The following GRAMD1A variants were observed in gnomAD, a reference collection of about 807,000 sequenced individuals.
The protein encoded by GRAMD1A is GRAM domain containing 1A.
In GRAMD1A, 50 loss-of-function variants were observed where a neutral mutation model predicts 92.0. That is an observed-to-expected ratio of 0.54 (90% CI 0.43 to 0.69). GRAMD1A has a LOEUF of 0.69. GRAMD1A is among the 30% of genes least tolerant of loss of function. GRAMD1A has a pLI of 0.00. For synonymous variants in GRAMD1A, 405 were observed against 403.6 expected, an observed-to-expected ratio of 1.00 and a Z score of -0.04; for missense variants, 819 against 978.9, an observed-to-expected ratio of 0.84 and a Z score of 2.18.
intron 13 of GRAMD1A, among the ~76,000 whole-genome samples, chr19:35,019,916 T>A (rs1211179737): frequency 2.6e-5 from 4 of 152,092 alleles, no homozygotes; most frequent in Non-Finnish European, 4.4e-5. Flanking sequence ...AAGCAGGGTG[T>A]GGAGGCTTTT....
At chr19:35,012,336 C>CAAA (rs1357704277) in intron 7 of GRAMD1A, among the ~76,000 whole-genome samples, 1 of 151,894 alleles carries the variant, frequency 6.6e-6, no homozygotes, top group Non-Finnish European at 1.5e-5. Context: ...ATGAGGTTAG[C>CAAA]ACCTACTTTC....
chr19:35,021,693 C>T lies in GRAMD1A; in HGVS notation c.1582C>T (p.Arg528Ter), dbSNP rs771145652. 15 of 1,613,898 alleles carry T rather than the reference C, an allele frequency of 9.3e-6. No homozygotes were observed. Among genetic ancestry groups the T allele is most frequent in the South Asian group, 7.7e-5 (7 of 91,086 alleles). ...GIEDYFHHLE[R>*]ELAKAEKLSL... ...AGAGCCCCCTCTCTTTTACGCAGAG[C>T]GAGAGCTCGCCAAGGCTGAGAAGCT... The change falls in exon 15 of 20, where the codon CGA (arginine) becomes TGA (stop). Residue 528 changes from arginine (R) to a stop codon, truncating the protein, a stop_gained and splice_region_variant. Transcript: ENST00000317991. LOFTEE classifies it high-confidence loss of function. This position sits in a 1 kb window ranked among gnomAD's most constrained non-coding sequence, Gnocchi z 5.3.
Position 35,021,963 on chromosome 19 carries a change from C to T in GRAMD1A, c.1766C>T (p.Ser589Phe), listed in dbSNP as rs1211584497. The T allele has an allele frequency of 1.2e-6, 2 of 1,614,064 alleles. No homozygotes were observed. The highest frequency in any genetic ancestry group is 1.7e-6 in the Non-Finnish European group (2 of 1,179,980). ...TGCTCTCCTGCAGGCTCCCTCAGCTCCCGCTTCTCCGAACCATCTGTGGAC... is the reference window on the plus strand; with the variant it reads ...TGCTCTCCTGCAGGCTCCCTCAGCTTCCGCTTCTCCGAACCATCTGTGGAC... Reference protein sequence around the residue: ...AGIHTSGSLSSRFSEPSVDQG... With the variant: ...AGIHTSGSLSFRFSEPSVDQG... Residue 589 changes from serine (S) to phenylalanine (F), a missense_variant, in exon 16 of 20, where the codon TCC becomes TTC. Ser to Phe is a radical substitution (Grantham distance 155). This residue lies in a region of GRAMD1A where 577 missense variants were observed against 674.6 expected (regional missense o/e 0.86). Coordinates refer to ENST00000317991, the MANE Select transcript of GRAMD1A (RefSeq NM_020895.5). This position sits in a 1 kb window ranked among gnomAD's most constrained non-coding sequence, Gnocchi z 5.3.
intron 6 of GRAMD1A, 48 bp downstream of exon 6, chr19:35,010,427 G>C: frequency 8.1e-7 from 1 of 1,241,104 alleles, no homozygotes. Context: ...CGCTCAGCAG[G>C]CCGCCTCCCC....
rs533809888 is a variant in GRAMD1A at position 35,013,529 on chromosome 19, C to T, written c.720-12C>T. 6.3e-7 allele frequency: 1 copy of T among 1,595,090 alleles called. No individual in the cohort carries two copies. The highest frequency in any genetic ancestry group is 8.6e-7 in the Non-Finnish European group (1 of 1,167,880). The stretch of plus-strand genomic sequence containing the variant: ...AGGACACAGCAGTCCCGCTTCCTCC[C>T]CTTTCCCACAGGACCCCCAAGGAAG... On this transcript the variant is annotated splice_polypyrimidine_tract_variant and intron_variant, in intron 8 of 19. Transcript: ENST00000317991. This position sits in a 1 kb window ranked among gnomAD's most constrained non-coding sequence, Gnocchi z 4.9.
chr19:35,022,105 C>A, intron 16 of GRAMD1A, 67 bp downstream of exon 16: 3 of 1,164,908 alleles, frequency 2.6e-6, no homozygotes, highest in Non-Finnish European at 3.8e-6. Flanking sequence ...TGACCTTGGG[C>A]AAGTGTGTGG....
chr19:34,996,821 AG>A (rs2014057422), upstream of GRAMD1A, among the ~76,000 whole-genome samples: 1 of 151,508 alleles, frequency 6.6e-6, no homozygotes, highest in African/African-American at 2.4e-5. Flanking sequence ...AAAAAAAAAA[AG>A]AGTGGATGGG....
Position 35,013,520 on chromosome 19 carries a change from G to A in GRAMD1A, c.720-21G>A, listed in dbSNP as rs568042025. On this transcript the variant is annotated intron_variant, in intron 8 of 19. Coordinates refer to ENST00000317991, the MANE Select transcript of GRAMD1A (RefSeq NM_020895.5). The surrounding 1 kb of genome is among the most constrained non-coding windows in gnomAD (Gnocchi z 4.9). ...GGGGTCTCAAGGACACAGCAGTCCC[G>A]CTTCCTCCCCTTTCCCACAGGACCC... is the stretch of plus-strand genomic sequence containing the variant. 2.6e-5 allele frequency: 42 copies of A among 1,590,356 alleles called. No individual in the cohort carries two copies. Among genetic ancestry groups the A allele is most frequent in the African/African-American group, 1.2e-4 (9 of 74,690 alleles).
At position 35,023,523 on chromosome 19, in the gene GRAMD1A, G is replaced by C. The variant is rs1458975524; in HGVS notation, c.2058G>C (p.Arg686=). 6.3e-7 allele frequency: 1 copy of C among 1,579,832 alleles called. No individual in the cohort carries two copies. Among genetic ancestry groups the C allele is most frequent in the East Asian group, 2.2e-5 (1 of 44,514 alleles). Residue 686 remains arginine, a synonymous_variant, in exon 19 of 20, where the codon CGG becomes CGC. Transcript: ENST00000317991. ...TGCACAAGTGGAGGCAGATCCTGCG[G>C]GCCTCCGTGGAGCTCCTGGATGAGG... ...VEVHKWRQIL[R]ASVELLDEMK... is the part of the protein sequence containing the mutation.
At chr19:35,009,547 G>A (rs888003203) in intron 3 of GRAMD1A, 104 bp downstream of exon 3, 26 of 1,180,014 alleles carry the variant, frequency 2.2e-5, no homozygotes, top group Non-Finnish European at 2.7e-5. Context: ...AGATGGAGTG[G>A]GTGCAGACCT....
chr19:35,020,421 C>T (rs1253561286), intron 13 of GRAMD1A, among the ~76,000 whole-genome samples: 4 of 151,862 alleles, frequency 2.6e-5, no homozygotes, highest in African/African-American at 9.7e-5. Context: ...GTCTGTAATC[C>T]CTACTACTTG....
At chr19:35,005,122 C>T (rs1045746905) in intron 1 of GRAMD1A, among the ~76,000 whole-genome samples, 1 of 151,822 alleles carries the variant, frequency 6.6e-6, no homozygotes, top group Non-Finnish European at 1.5e-5. Flanking sequence ...CCAGGCCATC[C>T]CCAACAGTAT....
Position 35,013,676 on chromosome 19 carries a change from C to A in GRAMD1A, c.855C>A (p.Ser285Arg). 1 of 1,610,458 alleles carries A rather than the reference C, an allele frequency of 6.2e-7. No individual in the cohort carries two copies. Among genetic ancestry groups the A allele is most frequent in the Non-Finnish European group, 8.5e-7 (1 of 1,178,258 alleles). The change falls in exon 9 of 20, where the codon AGC becomes AGA. Residue 285 changes from serine to arginine, a missense_variant. Ser to Arg is a moderately radical substitution (Grantham distance 110). Around this residue, in one of 3 missense-constraint regions of GRAMD1A, gnomAD observed 577 missense variants for 674.6 expected, o/e 0.86. Transcript: ENST00000317991. The surrounding 1 kb of genome is among the most constrained non-coding windows in gnomAD (Gnocchi z 4.9). Reference protein sequence around the residue: ...HVTPNLSRASSDADHGAEEDK... With the variant: ...HVTPNLSRASRDADHGAEEDK... ...CGCCCAACCTTTCCCGAGCCAGCAGCGACGCAGACCATGGGGTGAGCGGTG... is the reference window on the plus strand; with the variant it reads ...CGCCCAACCTTTCCCGAGCCAGCAGAGACGCAGACCATGGGGTGAGCGGTG...
At chr19:35,007,821 C>T (rs530989202) in intron 1 of GRAMD1A, among the ~76,000 whole-genome samples, 35 of 151,974 alleles carry the variant, frequency 2.3e-4, no homozygotes, top group African/African-American at 6.3e-4. Context: ...TGCAGTGAGC[C>T]GTGATTGTGC....
Position 35,000,460 on chromosome 19 carries a change from C to A in GRAMD1A, c.-19C>A, listed in dbSNP as rs1489788557. Reference sequence around the variant, plus strand: ...CCTGCCCTGCCCTGCGCCCGGGGCGCGCCCACCGCGCCGCATCCATGTTCG... The same window carrying A: ...CCTGCCCTGCCCTGCGCCCGGGGCGAGCCCACCGCGCCGCATCCATGTTCG... On this transcript the variant is annotated 5_prime_UTR_variant, in exon 1 of 20. Transcript: ENST00000317991. This position sits in a 1 kb window ranked among gnomAD's most constrained non-coding sequence, Gnocchi z 4.9. 4.1e-6 allele frequency: 5 copies of A among 1,229,212 alleles called. No individual in the cohort carries two copies. Among genetic ancestry groups the A allele is most frequent in the Non-Finnish European group, 4.1e-6 (4 of 973,582 alleles). The allele number at this position is 1,229,212 out of a possible 1,614,324, so 76.1% of individuals were successfully genotyped here. A position where few individuals can be genotyped will look rare whatever the true frequency, so the allele number is the denominator to read the frequency against.
intron 1 of GRAMD1A, among the ~76,000 whole-genome samples, chr19:35,008,128 A>G (rs1269438491): frequency 6.6e-6 from 1 of 151,810 alleles, no homozygotes; most frequent in Non-Finnish European, 1.5e-5. Flanking sequence ...CAGGAGTTCA[A>G]GACCAGCCTG....
At chr19:35,006,353 C>G (rs1280467772) in intron 1 of GRAMD1A, among the ~76,000 whole-genome samples, 1 of 152,156 alleles carries the variant, frequency 6.6e-6, no homozygotes, top group Non-Finnish European at 1.5e-5. Flanking sequence ...AGAAACCAGG[C>G]CCGTATCCTA....
At chr19:35,023,573 T>TCGGGGCTG (rs781151860) in intron 19 of GRAMD1A, 26 bp downstream of exon 19, 11 of 1,554,120 alleles carry the variant, frequency 7.1e-6, no homozygotes, top group South Asian at 3.6e-5. Context: ...CGGGCAGGGC[T>TCGGGGCTG]CGGGGCTGCG....
Position 35,000,415 on chromosome 19 carries a change from G to GCAGCT in GRAMD1A, c.-60_-59insTCAGC, listed in dbSNP as rs1568313107. 1.9e-6 allele frequency: 1 copy of GCAGCT among 528,252 alleles called. No individual in the cohort carries two copies. The highest frequency in any genetic ancestry group is 2.4e-6 in the Non-Finnish European group (1 of 416,662). The allele number at this position is 528,252 out of a possible 1,614,324, so 32.7% of individuals were successfully genotyped here. On this transcript the variant is annotated 5_prime_UTR_variant, in exon 1 of 20. Coordinates refer to ENST00000317991, the MANE Select transcript of GRAMD1A (RefSeq NM_020895.5). The surrounding 1 kb of genome is among the most constrained non-coding windows in gnomAD (Gnocchi z 4.9). ...GACGCCCAGCGCAGCCCAGCCCCGC[G>GCAGCT]CAGCCCAGCCCTGCCCTGCCCTGCC...
Sources: gnomAD v4.1 joint callset for allele counts (sites outside exome capture counted in the v4.1 genomes callset) on GRCh38, gnomAD v4.1.1 for gene constraint, gnomAD v4.1.1 regional missense constraint, Gnocchi (gnomAD v3.1) non-coding constraint, MANE v1.5 for transcripts, NCBI Gene and HGNC (gene_info 2026-07-23, HGNC 2026-07-21) for gene names.